The following OR5H1 variants were observed in gnomAD, a reference collection of about 807,000 sequenced individuals.
The protein encoded by OR5H1 is olfactory receptor 5H1.
For missense variants in OR5H1, 378 were observed against 366.8 expected, an observed-to-expected ratio of 1.03 and a Z score of -0.25; for synonymous variants, 124 against 134.4, an observed-to-expected ratio of 0.92 and a Z score of 0.54.
chr3:98,136,135 A>G lies in OR5H1; in HGVS notation c.*2496A>G, dbSNP rs1278075238. ...TGGAATTTAATTATGGGTGCGCTAT[A>G]TTTTTCTACTGAAACATGATTTTTC... is the stretch of plus-strand genomic sequence containing the variant. On this transcript the variant is annotated 3_prime_UTR_variant, in exon 2 of 2. Transcript: ENST00000641874. 6.6e-6 allele frequency: 1 copy of G among 152,174 alleles called. No individual in the cohort carries two copies. The allele number at this position is 152,174 out of a possible 1,614,324, so 9.4% of individuals were successfully genotyped here.
At position 98,133,011 on chromosome 3, in the gene OR5H1, C is replaced by A. The variant is rs150989884; in HGVS notation, c.314C>A (p.Ala105Glu). ...TGCAAGATACAGTTTTTTTCGTTTGCAATCAGTGTAACCACGGAATGTTTT... is the reference window on the plus strand; with the variant it reads ...TGCAAGATACAGTTTTTTTCGTTTGAAATCAGTGTAACCACGGAATGTTTT... ...SECKIQFFSF[A>E]ISVTTECFLL... The change falls in exon 2 of 2, where the codon GCA becomes GAA. Residue 105 changes from alanine (A) to glutamate (E), a missense_variant. Transcript: ENST00000641874. 261 of 1,613,512 alleles carry A rather than the reference C, an allele frequency of 1.6e-4. 1 individual carries two copies. The African/African-American group carries it at 3.2e-3, about 20-fold the overall frequency.
Position 98,133,744 on chromosome 3 carries a change from C to T in OR5H1, c.*105C>T, listed in dbSNP as rs1708286797. 3 of 835,162 alleles carry T rather than the reference C, an allele frequency of 3.6e-6. No homozygotes were observed. Among genetic ancestry groups the T allele is most frequent in the Non-Finnish European group, 5.8e-6 (3 of 520,278 alleles). The allele number at this position is 835,162 out of a possible 1,614,324, so 51.7% of individuals were successfully genotyped here. Reference sequence around the variant, plus strand: ...TTTTGCAAGTACAACTGTTCTAGCACTTTAGTGAGCTAATGTTTTAGTACC... The same window carrying T: ...TTTTGCAAGTACAACTGTTCTAGCATTTTAGTGAGCTAATGTTTTAGTACC... On this transcript the variant is annotated 3_prime_UTR_variant, in exon 2 of 2. Coordinates refer to ENST00000641874, the MANE Select transcript of OR5H1 (RefSeq NM_001005338.2).
chr3:98,137,045 TTA>T lies in OR5H1; in HGVS notation c.*3408_*3409del, dbSNP rs1191557816. 1.8e-4 allele frequency: 27 copies of T among 152,302 alleles called. No individual in the cohort carries two copies. Among genetic ancestry groups the T allele is most frequent in the African/African-American group, 6.5e-4 (27 of 41,562 alleles). The allele number at this position is 152,302 out of a possible 1,614,324, so 9.4% of individuals were successfully genotyped here. A position where few individuals can be genotyped will look rare whatever the true frequency, so the allele number is the denominator to read the frequency against. On this transcript the variant is annotated 3_prime_UTR_variant, in exon 2 of 2. Coordinates refer to ENST00000641874, the MANE Select transcript of OR5H1 (RefSeq NM_001005338.2). ...TAAAATTCTCCAGTCATATCTAATT[TTA>T]TGCACATTCTCCAATGTGACATTCC...
Position 98,135,675 on chromosome 3 carries a change from G to C in OR5H1, c.*2036G>C, listed in dbSNP as rs1160879515. ...CTCTTGAGAGAATACAACACACCAAGAAGATGACAATGACTATCACAAACA... is the reference window on the plus strand; with the variant it reads ...CTCTTGAGAGAATACAACACACCAACAAGATGACAATGACTATCACAAACA... On this transcript the variant is annotated 3_prime_UTR_variant, in exon 2 of 2. Transcript: ENST00000641874. 4 of 152,166 alleles carry C rather than the reference G, an allele frequency of 2.6e-5. No individual in the cohort carries two copies. The highest frequency in any genetic ancestry group is 5.9e-5 in the Non-Finnish European group (4 of 68,034). 9.4% of individuals were successfully genotyped at this position (152,166 alleles called of 1,614,324 possible).
At position 98,138,421 on chromosome 3, in the gene OR5H1, C is replaced by G. The variant is rs940997609; in HGVS notation, c.*4782C>G. On this transcript the variant is annotated 3_prime_UTR_variant, in exon 2 of 2. Transcript: ENST00000641874. The stretch of plus-strand genomic sequence containing the variant: ...GCTACCTGCCTTTAGTTTCACTTCT[C>G]TTTCCTTTTCTGAGTATAAAACAAT... 6.6e-6 allele frequency: 1 copy of G among 152,200 alleles called. No homozygotes were observed. Among genetic ancestry groups the G allele is most frequent in the African/African-American group, 2.4e-5 (1 of 41,448 alleles). The allele number at this position is 152,200 out of a possible 1,614,324, so 9.4% of individuals were successfully genotyped here.
In OR5H1 at chr3:98,136,374, C is replaced by T. The variant is rs1708318020; in HGVS notation, c.*2735C>T. ...GTTTCTTCAAGCTATAAAGTCACAC[C>T]AACAACATACCATTAGTTTCACCTG... On this transcript the variant is annotated 3_prime_UTR_variant, in exon 2 of 2. Transcript: ENST00000641874. 6.6e-6 allele frequency: 1 copy of T among 152,060 alleles called. No homozygotes were observed. The highest frequency in any genetic ancestry group is 1.5e-5 in the Non-Finnish European group (1 of 68,016). The allele number at this position is 152,060 out of a possible 1,614,324, so 9.4% of individuals were successfully genotyped here. A position where few individuals can be genotyped will look rare whatever the true frequency, so the allele number is the denominator to read the frequency against.
Position 98,135,947 on chromosome 3 carries a change from T to C in OR5H1, c.*2308T>C, listed in dbSNP as rs1309778104. 1 of 152,226 alleles carries C rather than the reference T, an allele frequency of 6.6e-6. No homozygotes were observed. Among genetic ancestry groups the C allele is most frequent in the African/African-American group, 2.4e-5 (1 of 41,472 alleles). The allele number at this position is 152,226 out of a possible 1,614,324, so 9.4% of individuals were successfully genotyped here. On this transcript the variant is annotated 3_prime_UTR_variant, in exon 2 of 2. Transcript: ENST00000641874. ...TTTTTAGTCTGAATGTCTTTTGTCA[T>C]GTCATTGAATGTTTGGTGAACTTCC...
intron 1 of OR5H1, among the ~76,000 whole-genome samples, chr3:98,131,603 A>G (rs1044486018): frequency 6.6e-6 from 1 of 152,028 alleles, no homozygotes; most frequent in Non-Finnish European, 1.5e-5. Context: ...CCTCCTTAAT[A>G]TAACTTGCTC....
At chr3:98,131,710 A>C (rs972388685) in intron 1 of OR5H1, among the ~76,000 whole-genome samples, 2 of 151,988 alleles carry the variant, frequency 1.3e-5, no homozygotes, top group African/African-American at 4.8e-5. Context: ...TACCACAATG[A>C]ATCCAAGCAA....
In OR5H1 at chr3:98,133,379, A is replaced by G. The variant is rs1313344027; in HGVS notation, c.682A>G (p.Lys228Glu). The G allele has an allele frequency of 2.5e-6, 4 of 1,613,142 alleles. No homozygotes were observed. In the African/African-American group the frequency reaches 5.4e-5, roughly 22 times the overall value. The stretch of plus-strand genomic sequence containing the variant: ...ATTTGTTCTCTTCGCAATCTTAAAA[A>G]AGAAATCTGATAAAGGTGTAAGGAA... ...YTFVLFAILK[K>E]KSDKGVRKAF... The change falls in exon 2 of 2, where the codon AAG becomes GAG. Residue 228 changes from lysine to glutamate, a missense_variant. Transcript: ENST00000641874.
chr3:98,134,491 T>C lies in OR5H1; in HGVS notation c.*852T>C, dbSNP rs1018662124. The C allele has an allele frequency of 1.3e-5, 2 of 152,064 alleles. No homozygotes were observed. The highest frequency in any genetic ancestry group is 4.1e-4 in the South Asian group (2 of 4,820). The allele number at this position is 152,064 out of a possible 1,614,324, so 9.4% of individuals were successfully genotyped here. The stretch of plus-strand genomic sequence containing the variant: ...TGTAAAAATCAATAATATTGCAAGG[T>C]TGTTGGAATGTGTTGTTATCAACAA... On this transcript the variant is annotated 3_prime_UTR_variant, in exon 2 of 2. Coordinates refer to ENST00000641874, the MANE Select transcript of OR5H1 (RefSeq NM_001005338.2).
chr3:98,132,921 C>T lies in OR5H1; in HGVS notation c.224C>T (p.Ser75Phe). ...GCTTTTGTGGATGCTTGGATATCAT[C>T]CACAGTGACCCCAAAGATGCTGAAT... is the stretch of plus-strand genomic sequence containing the variant. ...NLAFVDAWIS[S>F]TVTPKMLNNF... Residue 75 changes from serine (S) to phenylalanine (F), a missense_variant, in exon 2 of 2, where the codon TCC becomes TTC. Transcript: ENST00000641874. 6.2e-7 allele frequency: 1 copy of T among 1,613,506 alleles called. No homozygotes were observed. Among genetic ancestry groups the T allele is most frequent in the Non-Finnish European group, 8.5e-7 (1 of 1,179,588 alleles).
rs1708302066 is a variant in OR5H1 at position 98,134,983 on chromosome 3, T to C, written c.*1344T>C. ...GTATGTTTTAGGTATCTTATATCTA[T>C]ATGTATACATATGCATATGTTTAGT... On this transcript the variant is annotated 3_prime_UTR_variant, in exon 2 of 2. Transcript: ENST00000641874. 1 of 152,158 alleles carries C rather than the reference T, an allele frequency of 6.6e-6. No homozygotes were observed. The highest frequency in any genetic ancestry group is 2.1e-4 in the South Asian group (1 of 4,834). The allele number at this position is 152,158 out of a possible 1,614,324, so 9.4% of individuals were successfully genotyped here. A position where few individuals can be genotyped will look rare whatever the true frequency, so the allele number is the denominator to read the frequency against.
chr3:98,132,664 T>A lies in OR5H1; in HGVS notation c.-18-16T>A, dbSNP rs771570065. ...CATTGCAAATGTTCCCTTTCATTTG[T>A]TGCATTTTATTTTAGAGGGCATGCT... On this transcript the variant is annotated splice_polypyrimidine_tract_variant and intron_variant, in intron 1 of 1. Coordinates refer to ENST00000641874, the MANE Select transcript of OR5H1 (RefSeq NM_001005338.2). 4 of 1,604,920 alleles carry A rather than the reference T, an allele frequency of 2.5e-6. No individual in the cohort carries two copies. The highest frequency in any genetic ancestry group is 3.4e-6 in the Non-Finnish European group (4 of 1,174,594).
chr3:98,131,111 A>T (rs918279326), intron 1 of OR5H1, among the ~76,000 whole-genome samples: 1 of 152,094 alleles, frequency 6.6e-6, no homozygotes, highest in Non-Finnish European at 1.5e-5. Context: ...TAGGGCATTA[A>T]ACAACTAAAA....
In OR5H1 at chr3:98,133,861, A is replaced by T; in HGVS notation, c.*222A>T. On this transcript the variant is annotated 3_prime_UTR_variant, in exon 2 of 2. Coordinates refer to ENST00000641874, the MANE Select transcript of OR5H1 (RefSeq NM_001005338.2). ...TAATAGAATAATGACTGTAGAAATCAAATAAAACTATTTAACAGTTGTATA... is the reference window on the plus strand; with the variant it reads ...TAATAGAATAATGACTGTAGAAATCTAATAAAACTATTTAACAGTTGTATA... 2.2e-6 allele frequency: 1 copy of T among 444,866 alleles called. No individual in the cohort carries two copies. Among genetic ancestry groups the T allele is most frequent in the South Asian group, 3.0e-5 (1 of 33,108 alleles). 27.6% of individuals were successfully genotyped at this position (444,866 alleles called of 1,614,324 possible).
At position 98,132,608 on chromosome 3, in the gene OR5H1, G is replaced by A. The variant is rs539158963; in HGVS notation, c.-18-72G>A. 57 of 1,531,170 alleles carry A rather than the reference G, an allele frequency of 3.7e-5. No homozygotes were observed. The Admixed American group carries it at 1.0e-3, about 27-fold the overall frequency. The allele number at this position is 1,531,170 out of a possible 1,614,324, so 94.8% of individuals were successfully genotyped here. ...TCTGATCATTTTAGGTTTTCCTTCA[G>A]CACCTCTTCCCCAATTTCAACTGAT... On this transcript the variant is annotated intron_variant, in intron 1 of 1. Transcript: ENST00000641874.
Position 98,130,848 on chromosome 3 carries a change from TG to T in OR5H1, c.-19+1del, listed in dbSNP as rs761903652. The T allele has an allele frequency of 1.6e-4, 24 of 152,226 alleles. No homozygotes were observed. The highest frequency in any genetic ancestry group is 7.2e-4 in the Admixed American group (11 of 15,282). The allele number at this position is 152,226 out of a possible 1,614,324, so 9.4% of individuals were successfully genotyped here. A position where few individuals can be genotyped will look rare whatever the true frequency, so the allele number is the denominator to read the frequency against. On this transcript the variant is annotated splice_region_variant and 5_prime_UTR_variant, in exon 1 of 2. The change creates a premature stop within an existing upstream ORF in the 5' untranslated region. Coordinates refer to ENST00000641874, the MANE Select transcript of OR5H1 (RefSeq NM_001005338.2). ...GATATCCACAATTTCCTTCAATATA[TG>T]GGTAAGGAAGAAATAACTTCTCTAA...
In OR5H1 at chr3:98,133,351, T is replaced by C. The variant is rs749096330; in HGVS notation, c.654T>C (p.Tyr218=). The change falls in exon 2 of 2, where the codon TAT becomes TAC. Residue 218 remains tyrosine (Y), a synonymous_variant. Coordinates refer to ENST00000641874, the MANE Select transcript of OR5H1 (RefSeq NM_001005338.2). Reference sequence around the variant, plus strand: ...GCATTGTGACTATTCTTGTATCTTATACATTTGTTCTCTTCGCAATCTTAA... The same window carrying C: ...GCATTGTGACTATTCTTGTATCTTACACATTTGTTCTCTTCGCAATCTTAA... The part of the protein sequence containing the change: ...VFSIVTILVS[Y]TFVLFAILKK... 5.6e-6 allele frequency: 9 copies of C among 1,613,394 alleles called. No homozygotes were observed. In the East Asian group the frequency reaches 1.3e-4, roughly 24 times the overall value.
Sources: allele counts gnomAD v4.1 joint callset (sites outside exome capture counted in the v4.1 genomes callset), GRCh38; gene constraint gnomAD v4.1.1; transcripts MANE v1.5; gene names NCBI Gene and HGNC (gene_info 2026-07-23, HGNC 2026-07-21).